Variants in EPB41 observed in about 807,000 individuals in gnomAD.
The protein encoded by EPB41 is erythrocyte membrane protein band 4.1, also known as protein 4.1.
In EPB41, 65 loss-of-function variants were observed where a neutral mutation model predicts 108.0. The observed-to-expected ratio is 0.60, with a 90% CI of 0.49 to 0.74. The LOEUF is 0.74. Ranked by LOEUF, EPB41 falls within the 30% of genes least tolerant of loss-of-function variation. The pLI, the probability that EPB41 is intolerant of heterozygous loss-of-function variation, is 0.00. For missense variants in EPB41, 875 were observed against 1,037.0 expected (o/e 0.84, Z 2.15); for synonymous variants, 336 against 358.9 (o/e 0.94, Z 0.72).
At position 29,018,323 on chromosome 1, in the gene EPB41, T is replaced by G; in HGVS notation, c.1005T>G (p.Ser335=). Residue 335 remains serine (S), a synonymous_variant, in exon 7 of 21, where the codon TCT becomes TCG. Transcript: ENST00000343067. This position sits in a 1 kb window ranked among gnomAD's most constrained non-coding sequence, Gnocchi z 4.4. ...TATTAGGTTCTTACACCATCCAGTCTGAACTGGGAGACTACGACCCAGAAC... is the reference window on the plus strand; with the variant it reads ...TATTAGGTTCTTACACCATCCAGTCGGAACTGGGAGACTACGACCCAGAAC... ...LALLGSYTIQ[S]ELGDYDPELH... The G allele has an allele frequency of 1.2e-6, 2 of 1,614,192 alleles. No individual in the cohort carries two copies. The highest frequency in any genetic ancestry group is 1.7e-6 in the Non-Finnish European group (2 of 1,180,030).
At chr1:29,043,935 A>T (rs189263355) in intron 11 of EPB41, among the ~76,000 whole-genome samples, 2 of 152,314 alleles carry the variant, frequency 1.3e-5, no homozygotes, top group African/African-American at 4.8e-5. Flanking sequence ...TGGAGATGAT[A>T]AGGAAAAGAA....
chr1:29,111,207 A>G (rs2151704664), intron 18 of EPB41, among the ~76,000 whole-genome samples: 1 of 152,084 alleles, frequency 6.6e-6, no homozygotes, highest in South Asian at 2.1e-4. Context: ...ATTAAAATGT[A>G]TAGCATCAGT....
intron 3 of EPB41, among the ~76,000 whole-genome samples, chr1:28,994,241 G>A (rs77674029): frequency 6.6e-6 from 1 of 151,666 alleles, no homozygotes; most frequent in Non-Finnish European, 1.5e-5. Context: ...GTACAATCTC[G>A]GCTCACTGCA....
intron 1 of EPB41, chr1:28,902,400 T>G (rs752674337): frequency 7.0e-5 from 69 of 984,494 alleles, no homozygotes; most frequent in Non-Finnish European, 7.8e-5. Context: ...TAATTAGCAC[T>G]TAGGCCTAGA....
chr1:28,943,116 T>A (rs548198676), intron 1 of EPB41, among the ~76,000 whole-genome samples: 1 of 152,292 alleles, frequency 6.6e-6, no homozygotes, highest in South Asian at 2.1e-4. Flanking sequence ...CTCCTACTTA[T>A]ATACCAGGAG....
intron 1 of EPB41, among the ~76,000 whole-genome samples, chr1:28,941,747 T>A (rs2094295580): frequency 1.3e-5 from 2 of 151,454 alleles, no homozygotes; most frequent in African/African-American, 4.8e-5. Flanking sequence ...AATACAAAAT[T>A]AGCAGGGGGT....
At chr1:28,919,749 C>G (rs1208262388) in intron 1 of EPB41, among the ~76,000 whole-genome samples, 2 of 152,168 alleles carry the variant, frequency 1.3e-5, no homozygotes, top group Non-Finnish European at 2.9e-5. Context: ...GCCACAGCAT[C>G]CAGCCCAAAA....
Position 28,957,219 on chromosome 1 carries a change from A to G in EPB41, c.-7-30212A>G, listed in dbSNP as rs1038346644. ...CTAGTAAAATCCTTTTTCATGAGGA[A>G]TACTCTGCAGGGGAAGTAAGAGAAC... On this transcript the variant is annotated intron_variant, in intron 1 of 20. Coordinates refer to ENST00000343067, the MANE Select transcript of EPB41 (RefSeq NM_001376013.1). Among the ~76,000 whole-genome samples, 12 of 152,384 alleles carry G rather than the reference A, an allele frequency of 7.9e-5. No homozygotes were observed. In the South Asian group the frequency reaches 2.5e-3, roughly 32 times the overall value.
chr1:29,042,993 A>G (rs1435261253), intron 11 of EPB41, among the ~76,000 whole-genome samples: 1 of 152,160 alleles, frequency 6.6e-6, no homozygotes, highest in Non-Finnish European at 1.5e-5. Flanking sequence ...TCAGATACAT[A>G]TTTATTACTT....
Position 29,015,736 on chromosome 1 carries a change from G to T in EPB41, c.874G>T (p.Asp292Tyr). The T allele has an allele frequency of 6.2e-7, 1 of 1,609,014 alleles. No homozygotes were observed. The highest frequency in any genetic ancestry group is 1.1e-5 in the South Asian group (1 of 90,698). The change falls in exon 6 of 21, where the codon GAC becomes TAC. Residue 292 changes from aspartate to tyrosine, a missense_variant. Transcript: ENST00000343067. ...ATTTAATGTAAAGTTTTATCCACCT[G>T]ACCCAGCACAGTTAACAGAAGACAT... The part of the protein sequence containing the change: ...FTFNVKFYPP[D>Y]PAQLTEDITR...
chr1:28,953,526 A>G (rs1487215590), intron 1 of EPB41, among the ~76,000 whole-genome samples: 2 of 152,140 alleles, frequency 1.3e-5, no homozygotes, highest in African/African-American at 4.8e-5. Context: ...TTTAAAAAGG[A>G]AGCCTGGATT....
intron 16 of EPB41, chr1:29,069,391 A>G (rs1292128199): frequency 1.6e-6 from 2 of 1,229,302 alleles, no homozygotes; most frequent in East Asian, 6.3e-5. Flanking sequence ...ACTTTCTTTA[A>G]AAGTGTCTAA....
chr1:29,015,513 C>T lies in EPB41; in HGVS notation c.830-179C>T, dbSNP rs572269413. On this transcript the variant is annotated intron_variant, in intron 5 of 20. Coordinates refer to ENST00000343067, the MANE Select transcript of EPB41 (RefSeq NM_001376013.1). The stretch of plus-strand genomic sequence containing the variant: ...TGGAGGTTGTGGTGAGCAGAGATCA[C>T]GCTAGATCACGCTTCACGCTACGGC... 4.6e-5 allele frequency among the ~76,000 whole-genome samples: 7 copies of T among 151,146 alleles called. No homozygotes were observed. The East Asian group carries it at 5.9e-4, about 13-fold the overall frequency.
Position 29,097,922 on chromosome 1 carries a change from A to G in EPB41, c.2300A>G (p.Tyr767Cys), listed in dbSNP as rs1214630660. 2 of 1,614,016 alleles carry G rather than the reference A, an allele frequency of 1.2e-6. No individual in the cohort carries two copies. Among genetic ancestry groups the G allele is most frequent in the Non-Finnish European group, 1.7e-6 (2 of 1,179,880 alleles). ...IVHTETKTIT[Y>C]EAAQTDDNSG... ...CACACTGAGACCAAGACCATCACTTATGAGGCTGCCCAGGTAGGACATGTT... is the reference window on the plus strand; with the variant it reads ...CACACTGAGACCAAGACCATCACTTGTGAGGCTGCCCAGGTAGGACATGTT... Residue 767 changes from tyrosine to cysteine, a missense_variant, in exon 17 of 21, where the codon TAT becomes TGT. Transcript: ENST00000343067.
chr1:29,116,529 T>C (rs1480192431), intron 20 of EPB41, among the ~76,000 whole-genome samples: 7 of 152,112 alleles, frequency 4.6e-5, no homozygotes, highest in African/African-American at 1.7e-4. Context: ...TCAGGCTGTC[T>C]GGAGATGGGT....
chr1:29,078,409 C>G (rs1462103100), intron 16 of EPB41, among the ~76,000 whole-genome samples: 1 of 152,084 alleles, frequency 6.6e-6, no homozygotes. Context: ...AAATGGAAAA[C>G]AAAAGATGAG....
chr1:28,997,165 A>G (rs2096199255), intron 3 of EPB41, 50 bp from the exon 4 acceptor site: 1 of 1,376,540 alleles, frequency 7.3e-7, no homozygotes, highest in African/African-American at 1.4e-5. Flanking sequence ...TGGGGAAAAA[A>G]TAAAAGAAGA....
rs1394629045 is a variant in EPB41, at chr1:29,109,458, T to A, written c.2415+21T>A. The A allele has an allele frequency of 5.0e-6, 8 of 1,603,000 alleles. No individual in the cohort carries two copies. The South Asian group carries it at 8.8e-5, about 18-fold the overall frequency. Reference sequence around the variant, plus strand: ...CCAAGGTAACAGACCAGCTAGAACCTCTTTATGGAACCCAGGGGCAGGCTA... The same window carrying A: ...CCAAGGTAACAGACCAGCTAGAACCACTTTATGGAACCCAGGGGCAGGCTA... On this transcript the variant is annotated intron_variant, in intron 18 of 20. Coordinates refer to ENST00000343067, the MANE Select transcript of EPB41 (RefSeq NM_001376013.1).
chr1:28,987,829 CA>C lies in EPB41; in HGVS notation c.394del (p.Ile132LeufsTer19). 6.2e-7 allele frequency: 1 copy of C among 1,614,172 alleles called. No individual in the cohort carries two copies. Among genetic ancestry groups the C allele is most frequent in the Non-Finnish European group, 8.5e-7 (1 of 1,180,028 alleles). On this transcript the variant is annotated frameshift_variant, in exon 2 of 21. Transcript: ENST00000343067. LOFTEE classifies it high-confidence loss of function. ...GATGAAGAGATCATTTTAAAGGCCC[CA>C]ATTGCAGCTCCTGAACCGGAACTCA... The part of the protein sequence containing the change: ...SLDEEIILKA[P>X]IAAPEPELKT...
Sources: gnomAD v4.1 joint callset for allele counts (sites outside exome capture counted in the v4.1 genomes callset) on GRCh38, gnomAD v4.1.1 for gene constraint, Gnocchi (gnomAD v3.1) non-coding constraint, MANE v1.5 for transcripts, NCBI Gene and HGNC (gene_info 2026-07-23, HGNC 2026-07-21) for gene names.